Variants in CCNY observed in about 807,000 individuals in gnomAD.
CCNY encodes cyclin Y.
In CCNY, 19 loss-of-function variants were observed where a neutral mutation model predicts 42.8. That is an observed-to-expected ratio of 0.44 (90% CI 0.31 to 0.65). The LOEUF is 0.65. Among genes scored for constraint, CCNY ranks in the 30% least tolerant of loss-of-function variants. The pLI, the probability that CCNY is intolerant of heterozygous loss-of-function variation, is 0.07. For synonymous variants in CCNY, 165 were observed against 162.7 expected (o/e 1.01, Z -0.11); for missense variants, 370 against 437.3 (o/e 0.85, Z 1.37).
chr10:35,474,232 C>A (rs1839454563), intron 1 of CCNY, among the ~76,000 whole-genome samples: 1 of 152,228 alleles, frequency 6.6e-6, no homozygotes, highest in South Asian at 2.1e-4. Flanking sequence ...GGGTGCCCAC[C>A]ATTGCCCACG....
At chr10:35,497,671 T>C (rs1645509373) in intron 2 of CCNY, among the ~76,000 whole-genome samples, 1 of 134,248 alleles carries the variant, frequency 7.4e-6, no homozygotes, top group Non-Finnish European at 1.5e-5. Context: ...ACCTGGGAGG[T>C]GGAGTGAGTC....
Position 35,569,478 on chromosome 10 carries a change from G to T in CCNY, c.*308G>T, listed in dbSNP as rs2135470285. On this transcript the variant is annotated 3_prime_UTR_variant, in exon 10 of 10. Transcript: ENST00000374704. ...GAGAGGCAGGGAAAATGGTTAAGCA[G>T]CCCGGCCCTCTGGAGTCCCCATGGG... 2 of 397,264 alleles carry T rather than the reference G, an allele frequency of 5.0e-6. No individual in the cohort carries two copies. Among genetic ancestry groups the T allele is most frequent in the East Asian group, 1.0e-4 (2 of 19,402 alleles). The allele number at this position is 397,264 out of a possible 1,614,324, so 24.6% of individuals were successfully genotyped here. A position where few individuals can be genotyped will look rare whatever the true frequency, so the allele number is the denominator to read the frequency against.
At chr10:35,525,496 G>C (rs994465173) in intron 4 of CCNY, among the ~76,000 whole-genome samples, 23 of 152,238 alleles carry the variant, frequency 1.5e-4, no homozygotes, top group African/African-American at 5.5e-4. Context: ...TAACTTGAGC[G>C]GATTGCCAAG....
chr10:35,292,642 C>G (rs1353458792), intron 3 of CCNY, among the ~76,000 whole-genome samples: 3 of 151,904 alleles, frequency 2.0e-5, no homozygotes, highest in Non-Finnish European at 4.4e-5. Flanking sequence ...ATTACAAAGC[C>G]TGAGCCACCG....
intron 1 of CCNY, among the ~76,000 whole-genome samples, chr10:35,365,870 A>G (rs1274746661): frequency 1.3e-5 from 2 of 152,222 alleles, no homozygotes; most frequent in African/African-American, 4.8e-5. Context: ...TGATTAGACT[A>G]ACTCTACAGC....
intron 3 of CCNY, among the ~76,000 whole-genome samples, chr10:35,262,714 G>A (rs575877435): frequency 3.9e-5 from 6 of 152,188 alleles, no homozygotes; most frequent in Middle Eastern, 3.4e-3. Context: ...TGGGACTGGG[G>A]AGTCTAAAAG....
At chr10:35,295,451 T>C (rs552764923) in intron 3 of CCNY, among the ~76,000 whole-genome samples, 124 of 152,072 alleles carry the variant, frequency 8.2e-4, no homozygotes, top group African/African-American at 2.7e-3. Context: ...AGGCTGGTCT[T>C]GAACTCCGAA....
At chr10:35,510,752 T>C (rs1031115742) in intron 3 of CCNY, among the ~76,000 whole-genome samples, 1 of 152,232 alleles carries the variant, frequency 6.6e-6, no homozygotes, top group Non-Finnish European at 1.5e-5. Flanking sequence ...TTGGGGAGGC[T>C]AAGCCTAAGG....
chr10:35,533,657 C>G (rs1840818099), intron 7 of CCNY, among the ~76,000 whole-genome samples: 1 of 152,208 alleles, frequency 6.6e-6, no homozygotes, highest in East Asian at 1.9e-4. Flanking sequence ...TGCAACCTCC[C>G]TCCTGCACCG....
chr10:35,416,583 A>G (rs1838030186), intron 1 of CCNY, among the ~76,000 whole-genome samples: 1 of 152,230 alleles, frequency 6.6e-6, no homozygotes, highest in South Asian at 2.1e-4. Flanking sequence ...AATTGGACTT[A>G]ATTGAGCAAA....
chr10:35,274,933 G>A (rs1448255725), intron 3 of CCNY, among the ~76,000 whole-genome samples: 1 of 152,028 alleles, frequency 6.6e-6, no homozygotes, highest in Non-Finnish European at 1.5e-5. Flanking sequence ...GATCCCCCTG[G>A]CTTCTGCAGG....
chr10:35,564,317 C>T (rs1370471666), intron 8 of CCNY, among the ~76,000 whole-genome samples: 1 of 152,166 alleles, frequency 6.6e-6, no homozygotes, highest in Non-Finnish European at 1.5e-5. Context: ...CCTCGGGCCT[C>T]CTTCCTTGCC....
intron 1 of CCNY, among the ~76,000 whole-genome samples, chr10:35,430,747 CTATG>C (rs1838374357): frequency 6.6e-6 from 1 of 152,090 alleles, no homozygotes; most frequent in Non-Finnish European, 1.5e-5. Context: ...ACTAGCATAA[CTATG>C]TAGGTGGGCA....
chr10:35,429,177 A>G (rs190442794), intron 1 of CCNY, among the ~76,000 whole-genome samples: 21 of 152,340 alleles, frequency 1.4e-4, no homozygotes, highest in African/African-American at 4.8e-4. Flanking sequence ...ATTTCAATCA[A>G]AGCAACATAT....
At chr10:35,566,828 C>G (rs958364596) in intron 9 of CCNY, among the ~76,000 whole-genome samples, 1 of 151,980 alleles carries the variant, frequency 6.6e-6, no homozygotes, top group Non-Finnish European at 1.5e-5. Flanking sequence ...GCCTCAGCCT[C>G]CCTAGTAGCT....
intron 1 of CCNY, among the ~76,000 whole-genome samples, chr10:35,413,054 G>A (rs1837948249): frequency 6.6e-6 from 1 of 151,880 alleles, no homozygotes; most frequent in Admixed American, 6.6e-5. Flanking sequence ...GGTGAGTTTA[G>A]TCTTTTGGTA....
chr10:35,550,391 C>T (rs1466051069), intron 7 of CCNY, among the ~76,000 whole-genome samples: 1 of 152,186 alleles, frequency 6.6e-6, no homozygotes, highest in East Asian at 1.9e-4. Flanking sequence ...GTGCTGCTTG[C>T]TGATGGTCTT....
chr10:35,337,856 C>G lies in CCNY; in HGVS notation c.154+649C>G, dbSNP rs182041417. 6.8e-3 allele frequency among the ~76,000 whole-genome samples: 1,037 copies of G among 151,890 alleles called. 11 individuals carry two copies. The highest frequency in any genetic ancestry group is 0.024 in the African/African-American group (990 of 41,426). On this transcript the variant is annotated intron_variant, in intron 1 of 9. Coordinates refer to ENST00000374704, the MANE Select transcript of CCNY (RefSeq NM_145012.6). Reference sequence around the variant, plus strand: ...TTAAGTCTCAGTTTTTGCATGGGCCCGAATTGCAGTCCTATGAATTTCTGA... The same window carrying G: ...TTAAGTCTCAGTTTTTGCATGGGCCGGAATTGCAGTCCTATGAATTTCTGA...
chr10:35,465,905 A>AAGAGAGAGAGAGAG (rs56166429), intron 1 of CCNY, among the ~76,000 whole-genome samples: 104 of 99,192 alleles, frequency 1.0e-3, no homozygotes, highest in East Asian at 1.6e-3. Flanking sequence ...GGGTAGGGGG[A>AAGAGAGAGAGAGAG]AGAGAGAGAG....
Sources: gnomAD v4.1 joint callset for allele counts (sites outside exome capture counted in the v4.1 genomes callset) on GRCh38, gnomAD v4.1.1 for gene constraint, MANE v1.5 for transcripts, NCBI Gene and HGNC (gene_info 2026-07-23, HGNC 2026-07-21) for gene names.